CDH13: variants seen among roughly 807,000 people sequenced by gnomAD.
CDH13 encodes cadherin-13.
CDH13 carries 24 observed loss-of-function variants against 63.8 expected under a neutral mutation model. That is an observed-to-expected ratio of 0.38 (90% confidence interval 0.27 to 0.53). CDH13 has a LOEUF of 0.53. Among genes scored for constraint, CDH13 ranks in the 20% least tolerant of loss-of-function variants. CDH13 has a pLI of 0.85. For synonymous variants in CDH13, 503 were observed against 355.3 expected, an observed-to-expected ratio of 1.42 and a Z score of -4.67; for missense variants, 1,049 against 903.1, an observed-to-expected ratio of 1.16 and a Z score of -2.07.
At chr16:83,408,336 AG>A (rs2092077603) in intron 6 of CDH13, among the ~76,000 whole-genome samples, 2 of 152,314 alleles carry the variant, frequency 1.3e-5, no homozygotes, top group East Asian at 1.9e-4. Flanking sequence ...CCTTCTGAGA[AG>A]GTATCATTAG....
intron 7 of CDH13, among the ~76,000 whole-genome samples, chr16:83,508,115 A>AAGGAAGGG (rs1555563713): frequency 1.7e-5 from 1 of 60,046 alleles, no homozygotes; most frequent in African/African-American, 6.3e-5. Flanking sequence ...AAGGAAAAGG[A>AAGGAAGGG]AGGAAGGGAG....
intron 10 of CDH13, among the ~76,000 whole-genome samples, chr16:83,680,790 A>G (rs1269514894): frequency 6.6e-6 from 1 of 151,984 alleles, no homozygotes; most frequent in Non-Finnish European, 1.5e-5. Flanking sequence ...ACTTATGCCA[A>G]AAGGGGTCCT....
intron 8 of CDH13, among the ~76,000 whole-genome samples, chr16:83,624,659 G>A (rs1910120475): frequency 6.6e-6 from 1 of 152,008 alleles, no homozygotes; most frequent in African/African-American, 2.4e-5. Context: ...TTCCTAATAG[G>A]CCATGGATCA....
At chr16:83,184,259 G>A (rs79459115) in intron 4 of CDH13, among the ~76,000 whole-genome samples, 1,932 of 152,072 alleles carry the variant, frequency 0.013, 62 homozygotes, top group South Asian at 0.11. Flanking sequence ...TCTCTACGGT[G>A]CTTTTATTTT....
rs2074677819 is a variant in CDH13, at chr16:83,515,401, T to A, written c.960+28746T>A. The stretch of plus-strand genomic sequence containing the variant: ...GCACTCACGAAGAGTTAACAAGCAA[T>A]AATAAACAGTCAAGACTGCTTTTCA... On this transcript the variant is annotated intron_variant, in intron 7 of 13. Coordinates refer to ENST00000567109, the MANE Select transcript of CDH13 (RefSeq NM_001257.5). Among the ~76,000 whole-genome samples the A allele has an allele frequency of 2.0e-5, 3 of 152,132 alleles. No individual in the cohort carries two copies. The South Asian group carries it at 6.2e-4, about 32-fold the overall frequency.
intron 6 of CDH13, among the ~76,000 whole-genome samples, chr16:83,476,234 C>T (rs2073600625): frequency 6.6e-6 from 1 of 152,200 alleles, no homozygotes; most frequent in Non-Finnish European, 1.5e-5. Context: ...TTGATCTCTA[C>T]CCACTAGATG....
At chr16:83,060,313 G>T (rs528160394) in intron 3 of CDH13, among the ~76,000 whole-genome samples, 65 of 152,228 alleles carry the variant, frequency 4.3e-4, no homozygotes, top group Non-Finnish European at 7.5e-4. Flanking sequence ...GAAAAATTGT[G>T]GATGTTGATA....
chr16:83,443,735 A>T (rs9921341), intron 6 of CDH13, among the ~76,000 whole-genome samples: 619 of 19,866 alleles, frequency 0.031, 3 homozygotes, highest in East Asian at 0.11. Flanking sequence ...AAAAAAAAAA[A>T]ATATATATAT....
chr16:83,461,903 C>T (rs2073191933), intron 6 of CDH13, among the ~76,000 whole-genome samples: 1 of 152,218 alleles, frequency 6.6e-6, no homozygotes, highest in Admixed American at 6.5e-5. Context: ...AAAGCAGTGG[C>T]CTGCCTTGTA....
chr16:82,966,337 G>C (rs1291279842), intron 2 of CDH13, among the ~76,000 whole-genome samples: 1 of 123,326 alleles, frequency 8.1e-6, no homozygotes, highest in African/African-American at 2.6e-5. Flanking sequence ...TTTTAGTAGA[G>C]ATGGGGTTTC....
At chr16:83,454,576 G>A (rs1391265315) in intron 6 of CDH13, among the ~76,000 whole-genome samples, 1 of 152,034 alleles carries the variant, frequency 6.6e-6, no homozygotes, top group East Asian at 1.9e-4. Context: ...ACTGTGTAAT[G>A]GTCCATCAAG....
At chr16:82,658,073 T>A (rs1224580545) in intron 1 of CDH13, among the ~76,000 whole-genome samples, 1 of 152,206 alleles carries the variant, frequency 6.6e-6, no homozygotes, top group African/African-American at 2.4e-5. Context: ...TTTATTAAGT[T>A]GAAGAAGTTT....
intron 5 of CDH13, among the ~76,000 whole-genome samples, chr16:83,251,301 T>C (rs998469190): frequency 6.6e-6 from 1 of 152,240 alleles, no homozygotes; most frequent in African/African-American, 2.4e-5. Context: ...TTAAGTGTTT[T>C]ATTAGGTACC....
chr16:82,660,536 C>G (rs1473403809), intron 1 of CDH13, among the ~76,000 whole-genome samples: 1 of 152,054 alleles, frequency 6.6e-6, no homozygotes, highest in Non-Finnish European at 1.5e-5. Flanking sequence ...CAGAGCAAGA[C>G]CTGGCAAAAC....
intron 2 of CDH13, among the ~76,000 whole-genome samples, chr16:82,937,353 G>T (rs886397575): frequency 6.6e-6 from 1 of 151,896 alleles, no homozygotes; most frequent in Non-Finnish European, 1.5e-5. Flanking sequence ...ATCTTTAAAT[G>T]AAGCTATTTT....
intron 1 of CDH13, among the ~76,000 whole-genome samples, chr16:82,842,175 CATAT>C (rs1274304235): frequency 8.5e-6 from 1 of 117,884 alleles, no homozygotes; most frequent in Non-Finnish European, 1.8e-5. Flanking sequence ...CACACACACA[CATAT>C]ATATACACAT....
intron 4 of CDH13, among the ~76,000 whole-genome samples, chr16:83,136,223 C>G (rs1435554353): frequency 6.6e-6 from 1 of 151,398 alleles, no homozygotes; most frequent in Non-Finnish European, 1.5e-5. Flanking sequence ...GTGGCTCATG[C>G]CTGTAATCCC....
intron 4 of CDH13, among the ~76,000 whole-genome samples, chr16:83,145,134 A>C (rs1207173038): frequency 6.6e-6 from 1 of 152,192 alleles, no homozygotes; most frequent in African/African-American, 2.4e-5. Context: ...ATGAAGGGAT[A>C]TGAAGCCCAA....
At chr16:83,398,765 C>T (rs2091924949) in intron 6 of CDH13, among the ~76,000 whole-genome samples, 1 of 152,186 alleles carries the variant, frequency 6.6e-6, no homozygotes, top group African/African-American at 2.4e-5. Flanking sequence ...AATACAATGC[C>T]TTCTTTGAAA....
Sources: allele counts gnomAD v4.1 joint callset (sites outside exome capture counted in the v4.1 genomes callset), GRCh38; gene constraint gnomAD v4.1.1; transcripts MANE v1.5; gene names NCBI Gene and HGNC (gene_info 2026-07-23, HGNC 2026-07-21).